Variants in PARP8 observed in about 807,000 individuals in gnomAD.
PARP8 encodes poly(ADP-ribose) polymerase family member 8, also known as protein mono-ADP-ribosyltransferase PARP8.
A neutral mutation model predicts 124.1 loss-of-function variants in PARP8; 51 were observed. The observed-to-expected ratio is 0.41, with a 90% CI of 0.33 to 0.52. PARP8 has a LOEUF of 0.52. PARP8 is among the 20% of genes least tolerant of loss of function. PARP8 has a pLI of 0.21. For synonymous variants in PARP8, 391 were observed against 361.5 expected (o/e 1.08, Z -0.93); for missense variants, 860 against 1,018.9 (o/e 0.84, Z 2.12).
intron 15 of PARP8, among the ~76,000 whole-genome samples, chr5:50,818,411 G>A (rs1229356230): frequency 6.6e-6 from 1 of 152,016 alleles, no homozygotes; most frequent in Non-Finnish European, 1.5e-5. Flanking sequence ...GTATTTTTTT[G>A]TGGAGACAGG....
In PARP8 at chr5:50,827,745, A is replaced by G. The variant is rs545874023; in HGVS notation, c.1978-199A>G. 3.9e-5 allele frequency among the ~76,000 whole-genome samples: 6 copies of G among 152,330 alleles called. No individual in the cohort carries two copies. In the South Asian group the frequency reaches 1.2e-3, roughly 32 times the overall value. ...CCATTTGCCCAAAGAATTGTTCTTC[A>G]TATTTGCAATTCCATGTGACTTATC... is the stretch of plus-strand genomic sequence containing the variant. On this transcript the variant is annotated intron_variant, in intron 19 of 25. Coordinates refer to ENST00000281631, the MANE Select transcript of PARP8 (RefSeq NM_024615.4).
intron 2 of PARP8, among the ~76,000 whole-genome samples, chr5:50,737,539 C>G (rs1757593371): frequency 6.6e-6 from 1 of 152,098 alleles, no homozygotes; most frequent in Non-Finnish European, 1.5e-5. Context: ...TTAAAAAGAA[C>G]TTCTTCATCA....
chr5:50,751,070 C>A (rs1759201978), intron 3 of PARP8, among the ~76,000 whole-genome samples: 1 of 146,360 alleles, frequency 6.8e-6, no homozygotes, highest in Non-Finnish European at 1.5e-5. Context: ...TGAGTCAGAT[C>A]ATAGAGATGT....
chr5:50,810,199 A>C (rs764774931), intron 14 of PARP8, among the ~76,000 whole-genome samples: 1 of 151,970 alleles, frequency 6.6e-6, no homozygotes. Context: ...GGGACTTGCT[A>C]TGGTTTTACA....
At chr5:50,780,992 A>C (rs577158054) in intron 9 of PARP8, among the ~76,000 whole-genome samples, 1 of 152,118 alleles carries the variant, frequency 6.6e-6, no homozygotes, top group African/African-American at 2.4e-5. Context: ...GATATACCTG[A>C]GTCTTAATTC....
chr5:50,744,600 A>G (rs1351545584), intron 2 of PARP8: 3 of 539,774 alleles, frequency 5.6e-6, no homozygotes, highest in African/African-American at 1.9e-5. Flanking sequence ...TTTAAGAACC[A>G]TGCATCACAC....
intron 3 of PARP8, among the ~76,000 whole-genome samples, chr5:50,754,150 T>TATATATACACACACACACAC (rs1312947286): frequency 2.7e-5 from 1 of 37,178 alleles, no homozygotes; most frequent in African/African-American, 1.2e-4. Flanking sequence ...TATATATATA[T>TATATATACACACACACACAC]ACACACACAC....
intron 2 of PARP8, among the ~76,000 whole-genome samples, chr5:50,723,865 T>C (rs1756154871): frequency 6.6e-6 from 1 of 152,150 alleles, no homozygotes; most frequent in Non-Finnish European, 1.5e-5. Context: ...TCGTGAGGCA[T>C]TGAAATTATT....
At position 50,825,803 on chromosome 5, in the gene PARP8, T is replaced by TA. The variant is rs535023689; in HGVS notation, c.1928+835dup. ...ATACCATGCTACGACCAGGAAGTTT[T>TA]AAAAAAATATGTAAAGGTGGGCAGA... is the stretch of plus-strand genomic sequence containing the variant. On this transcript the variant is annotated intron_variant, in intron 18 of 25. Coordinates refer to ENST00000281631, the MANE Select transcript of PARP8 (RefSeq NM_024615.4). Among the ~76,000 whole-genome samples the TA allele has an allele frequency of 3.1e-4, 47 of 152,244 alleles. No individual in the cohort carries two copies. The South Asian group carries it at 9.1e-3, about 30-fold the overall frequency.
At chr5:50,752,484 T>G (rs1759367497) in intron 3 of PARP8, among the ~76,000 whole-genome samples, 1 of 152,066 alleles carries the variant, frequency 6.6e-6, no homozygotes, top group Non-Finnish European at 1.5e-5. Flanking sequence ...GTTGGTGAAA[T>G]GTCCAAACTT....
intron 16 of PARP8, 142 bp from the exon 17 acceptor site, chr5:50,822,193 T>C: frequency 1.5e-6 from 1 of 664,154 alleles, no homozygotes; most frequent in Non-Finnish European, 2.7e-6. Context: ...TTCCCTTTTA[T>C]GTACACCAAA....
chr5:50,797,311 T>A, intron 14 of PARP8, 78 bp downstream of exon 14: 1 of 1,072,914 alleles, frequency 9.3e-7, no homozygotes, highest in Non-Finnish European at 1.3e-6. Context: ...TAAAAATAAG[T>A]AAATAAATGC....
intron 22 of PARP8, among the ~76,000 whole-genome samples, chr5:50,831,795 T>C (rs1429755226): frequency 2.0e-5 from 3 of 152,276 alleles, no homozygotes; most frequent in Admixed American, 1.3e-4. Flanking sequence ...TTGTGTTATA[T>C]GTGCTTTTTT....
At chr5:50,820,220 T>C (rs2149699339) in intron 15 of PARP8, among the ~76,000 whole-genome samples, 1 of 152,304 alleles carries the variant, frequency 6.6e-6, no homozygotes, top group South Asian at 2.1e-4. Context: ...TACTCCTCTC[T>C]TAGAAGCAGG....
At chr5:50,775,312 C>T (rs1157336186) in intron 7 of PARP8, among the ~76,000 whole-genome samples, 2 of 152,182 alleles carry the variant, frequency 1.3e-5, no homozygotes, top group East Asian at 3.9e-4. Context: ...CCCAGCACTT[C>T]GGGAGGCCGA....
intron 2 of PARP8, among the ~76,000 whole-genome samples, chr5:50,684,315 GA>G (rs977655026): frequency 6.6e-6 from 1 of 152,064 alleles, no homozygotes; most frequent in Non-Finnish European, 1.5e-5. Context: ...TAATGGTCCT[GA>G]AATCAGTAGC....
At chr5:50,709,724 G>A (rs1227969146) in intron 2 of PARP8, among the ~76,000 whole-genome samples, 1 of 151,690 alleles carries the variant, frequency 6.6e-6, no homozygotes, top group Non-Finnish European at 1.5e-5. Context: ...AAATGCCAGT[G>A]TTATTAAGCC....
At chr5:50,805,009 T>G (rs1743668010) in intron 14 of PARP8, among the ~76,000 whole-genome samples, 1 of 152,106 alleles carries the variant, frequency 6.6e-6, no homozygotes, top group Non-Finnish European at 1.5e-5. Context: ...TGATTCTGAG[T>G]AAGTACTCCT....
intron 24 of PARP8, among the ~76,000 whole-genome samples, chr5:50,834,488 TGGG>T (rs1747342923): frequency 1.3e-5 from 2 of 152,166 alleles, no homozygotes. Flanking sequence ...GAAAAATTGA[TGGG>T]TGATTTGCAA....
Sources: allele counts gnomAD v4.1 joint callset (sites outside exome capture counted in the v4.1 genomes callset), GRCh38; gene constraint gnomAD v4.1.1; transcripts MANE v1.5; gene names NCBI Gene and HGNC (gene_info 2026-07-23, HGNC 2026-07-21).